Variants in KCMF1 observed in about 807,000 individuals in gnomAD.
KCMF1 encodes potassium channel modulatory factor 1, also known as E3 ubiquitin-protein ligase KCMF1.
In KCMF1, 3 loss-of-function variants were observed where a neutral mutation model predicts 41.1. The ratio of observed to expected loss-of-function variants is 0.07; its 90% CI spans 0.03 to 0.19. The LOEUF is 0.19. Ranked by LOEUF, KCMF1 falls within the 10% of genes least tolerant of loss-of-function variation. KCMF1 has a pLI of 1.00. For missense variants in KCMF1, 286 were observed against 488.9 expected (o/e 0.58, Z 3.91); for synonymous variants, 142 against 164.5 (o/e 0.86, Z 1.04).
intron 1 of KCMF1, among the ~76,000 whole-genome samples, chr2:85,024,583 A>T (rs200463180): frequency 0.049 from 6,107 of 124,252 alleles, 248 homozygotes; most frequent in African/African-American, 0.13. Flanking sequence ...AGAGAGAGAG[A>T]GTGTGTGTGT....
At chr2:84,985,080 G>GA (rs1187285322) in intron 1 of KCMF1, among the ~76,000 whole-genome samples, 6 of 150,226 alleles carry the variant, frequency 4.0e-5, no homozygotes, top group South Asian at 2.1e-4. Context: ...AGATTTAAAG[G>GA]AAAAAAAAAT....
At chr2:84,990,269 C>T (rs1201907134) in intron 1 of KCMF1, among the ~76,000 whole-genome samples, 1 of 152,128 alleles carries the variant, frequency 6.6e-6, no homozygotes, top group Non-Finnish European at 1.5e-5. Flanking sequence ...GGAGAGATGA[C>T]AACAGCTGGA....
At chr2:85,032,322 C>G (rs559486285) in intron 2 of KCMF1, among the ~76,000 whole-genome samples, 4 of 151,950 alleles carry the variant, frequency 2.6e-5, no homozygotes, top group Admixed American at 2.6e-4. Flanking sequence ...CAGGCATGCA[C>G]CACGATGTCT....
intron 1 of KCMF1, among the ~76,000 whole-genome samples, chr2:85,013,168 T>C (rs1033322666): frequency 6.6e-6 from 1 of 152,196 alleles, no homozygotes; most frequent in Non-Finnish European, 1.5e-5. Flanking sequence ...TAAATGCTTA[T>C]TTACTTATCC....
chr2:84,974,018 G>A (rs578115459), intron 1 of KCMF1, among the ~76,000 whole-genome samples: 6 of 151,638 alleles, frequency 4.0e-5, no homozygotes, highest in East Asian at 1.9e-4. Flanking sequence ...AGTAGAGATC[G>A]GGTTTCATCA....
At chr2:84,979,388 A>T (rs1233975244) in intron 1 of KCMF1, among the ~76,000 whole-genome samples, 1 of 151,900 alleles carries the variant, frequency 6.6e-6, no homozygotes, top group Non-Finnish European at 1.5e-5. Context: ...TCTGGGCGTG[A>T]TGGCAGGCGC....
chr2:85,010,929 C>T (rs1230381506), intron 1 of KCMF1, among the ~76,000 whole-genome samples: 1 of 151,856 alleles, frequency 6.6e-6, no homozygotes, highest in Non-Finnish European at 1.5e-5. Flanking sequence ...CTGCAACCTC[C>T]ACCTCCCGGG....
At chr2:85,047,578 A>G (rs754414565) in intron 5 of KCMF1, among the ~76,000 whole-genome samples, 5 of 151,242 alleles carry the variant, frequency 3.3e-5, no homozygotes, top group Non-Finnish European at 7.4e-5. Flanking sequence ...TACATGTTTA[A>G]TAGCTTGGGA....
chr2:85,008,362 T>TATGATATATAA (rs1452767371), intron 1 of KCMF1, among the ~76,000 whole-genome samples: 120 of 8,192 alleles, frequency 0.015, 7 homozygotes, highest in African/African-American at 0.018. Context: ...ATAATATATA[T>TATGATATATAA]TATATATCAT....
At chr2:84,981,681 T>C (rs1673756648) in intron 1 of KCMF1, among the ~76,000 whole-genome samples, 1 of 152,198 alleles carries the variant, frequency 6.6e-6, no homozygotes, top group African/African-American at 2.4e-5. Flanking sequence ...ATGACTTTTA[T>C]TGTTCCTTTG....
At chr2:85,016,094 A>T (rs1674761337) in intron 1 of KCMF1, among the ~76,000 whole-genome samples, 1 of 152,218 alleles carries the variant, frequency 6.6e-6, no homozygotes, top group South Asian at 2.1e-4. Context: ...ATGCTGAATG[A>T]ATGTATCAGT....
intron 1 of KCMF1, among the ~76,000 whole-genome samples, chr2:85,008,254 ATT>A (rs1491113962): frequency 1.1e-5 from 1 of 89,994 alleles, no homozygotes; most frequent in African/African-American, 4.4e-5. Context: ...TATGATATAT[ATT>A]ATATATCATA....
intron 1 of KCMF1, among the ~76,000 whole-genome samples, chr2:84,992,529 A>G (rs1674067093): frequency 6.6e-6 from 1 of 152,048 alleles, no homozygotes; most frequent in Non-Finnish European, 1.5e-5. Context: ...GCTCTTAGTA[A>G]CCATCTTCAT....
chr2:85,031,200 T>C (rs564436662), intron 2 of KCMF1, among the ~76,000 whole-genome samples: 36 of 152,376 alleles, frequency 2.4e-4, no homozygotes, highest in African/African-American at 7.7e-4. Flanking sequence ...AATGGAATTA[T>C]GTCGAATCGG....
intron 1 of KCMF1, 133 bp downstream of exon 1, chr2:84,971,600 C>T (rs1032612289): frequency 4.2e-5 from 14 of 336,408 alleles, no homozygotes; most frequent in Non-Finnish European, 5.5e-5. Context: ...GGCGCTGGAC[C>T]CGGGAGCGAG....
At chr2:84,998,855 A>G (rs1574014781) in intron 1 of KCMF1, among the ~76,000 whole-genome samples, 1 of 150,358 alleles carries the variant, frequency 6.7e-6, no homozygotes, top group East Asian at 2.0e-4. Flanking sequence ...CAAGTGATCC[A>G]CCCAACTCGG....
At position 84,988,834 on chromosome 2, in the gene KCMF1, T is replaced by C. The variant is rs569152602; in HGVS notation, c.16+17367T>C. ...TGGAGAACCACATAGCAAATGTGGC[T>C]TTGTAGGCCACATGGTCTTGATTGC... On this transcript the variant is annotated intron_variant, in intron 1 of 6. Coordinates refer to ENST00000409785, the MANE Select transcript of KCMF1 (RefSeq NM_020122.5). Among the ~76,000 whole-genome samples, 5 of 152,300 alleles carry C rather than the reference T, an allele frequency of 3.3e-5. No homozygotes were observed. The East Asian group carries it at 5.8e-4, about 18-fold the overall frequency.
intron 1 of KCMF1, among the ~76,000 whole-genome samples, chr2:84,991,044 G>A (rs2103976945): frequency 6.6e-6 from 1 of 152,272 alleles, no homozygotes; most frequent in East Asian, 1.9e-4. Flanking sequence ...TAATTGGGAG[G>A]CTGCTTTAGT....
chr2:85,042,262 T>C (rs773310831), intron 3 of KCMF1, among the ~76,000 whole-genome samples: 21 of 152,226 alleles, frequency 1.4e-4, no homozygotes, highest in Non-Finnish European at 1.9e-4. Context: ...GAGACTGATA[T>C]CAAATCAGAG....
Sources: allele counts gnomAD v4.1 joint callset (sites outside exome capture counted in the v4.1 genomes callset), GRCh38; gene constraint gnomAD v4.1.1; transcripts MANE v1.5; gene names NCBI Gene and HGNC (gene_info 2026-07-23, HGNC 2026-07-21).